Variants in ANKRD45 observed in about 807,000 individuals in gnomAD.
ANKRD45 encodes the protein ankyrin repeat domain-containing protein 45.
Under a neutral mutation model 28.1 loss-of-function variants are expected in ANKRD45, and 21 were observed. The observed-to-expected ratio is 0.75, with a 90% CI of 0.53 to 1.08. ANKRD45 has a LOEUF of 1.08. Ranked by LOEUF, ANKRD45 falls within the 50% of genes least tolerant of loss-of-function variation. ANKRD45 has a pLI of 0.00. For synonymous variants in ANKRD45, 86 were observed against 103.9 expected, an observed-to-expected ratio of 0.83 and a Z score of 1.05; for missense variants, 261 against 308.7, an observed-to-expected ratio of 0.85 and a Z score of 1.16.
At chr1:173,711,773 A>G in the ANKRD45 span, among the ~76,000 whole-genome samples, 1 of 152,224 alleles carries the variant, frequency 6.6e-6, no homozygotes, top group Non-Finnish European at 1.5e-5. Flanking sequence ...CCATAAACAC[A>G]TCTCTAAATG....
chr1:173,624,631 A>C (rs2102325002), intron 5 of ANKRD45, among the ~76,000 whole-genome samples, 156 bp downstream of exon 5: 1 of 152,378 alleles, frequency 6.6e-6, no homozygotes, highest in South Asian at 2.1e-4. Flanking sequence ...TATTGCAAAT[A>C]ATGAAACTAG....
At chr1:173,691,395 G>A in the ANKRD45 span, among the ~76,000 whole-genome samples, 15 of 152,166 alleles carry the variant, frequency 9.9e-5, no homozygotes, top group African/African-American at 3.6e-4. Context: ...GTAATCACAG[G>A]CGAGCCCCCA....
chr1:173,624,927 T>A lies in ANKRD45; in HGVS notation c.592-2A>T. 1 of 1,610,650 alleles carries A rather than the reference T, an allele frequency of 6.2e-7. No homozygotes were observed. Among genetic ancestry groups the A allele is most frequent in the South Asian group, 1.1e-5 (1 of 90,566 alleles). ...ACGGCATGCACTGAGGATGGTATTC[T>A]AGGGACAGAAATACAGAGTTTGCTC... On this transcript the variant is annotated splice_acceptor_variant, in intron 4 of 5. Transcript: ENST00000333279. LOFTEE classifies it high-confidence loss of function.
intron 5 of ANKRD45, among the ~76,000 whole-genome samples, chr1:173,616,562 T>C (rs1667474886): frequency 1.3e-5 from 2 of 152,172 alleles, no homozygotes; most frequent in Non-Finnish European, 2.9e-5. Flanking sequence ...TTTTAAGGTG[T>C]GAGAATTATA....
intron 2 of ANKRD45, among the ~76,000 whole-genome samples, chr1:173,650,279 C>T (rs958560627): frequency 2.0e-5 from 3 of 152,124 alleles, no homozygotes; most frequent in African/African-American, 4.8e-5. Context: ...TAATAGACCC[C>T]GGTGTGTGAT....
At chr1:173,671,743 G>T (rs563979589), upstream of ANKRD45, among the ~76,000 whole-genome samples, 1 of 151,694 alleles carries the variant, frequency 6.6e-6, no homozygotes, top group Non-Finnish European at 1.5e-5. Context: ...TTAGCCAGGC[G>T]TGGTGGTATG....
the ANKRD45 span, among the ~76,000 whole-genome samples, chr1:173,703,242 C>T: frequency 1.0e-4 from 15 of 149,196 alleles, no homozygotes; most frequent in South Asian, 6.4e-4. Flanking sequence ...CTTGCTCTGT[C>T]GCCCAGGCTG....
chr1:173,671,114 A>G (rs934625209), upstream of ANKRD45, among the ~76,000 whole-genome samples: 8 of 151,866 alleles, frequency 5.3e-5, no homozygotes, highest in Admixed American at 2.6e-4. Context: ...CTCCTTCCCC[A>G]CTTTAAGTTT....
chr1:173,613,070 A>T (rs1351397667), intron 5 of ANKRD45, among the ~76,000 whole-genome samples: 2 of 148,284 alleles, frequency 1.3e-5, no homozygotes, highest in African/African-American at 5.0e-5. Context: ...GGATGTGAGG[A>T]GCCCCTCTGC....
intron 2 of ANKRD45, chr1:173,658,442 T>C (rs1051564280): frequency 2.0e-5 from 3 of 152,288 alleles, no homozygotes; most frequent in African/African-American, 7.2e-5. Context: ...AAAGACTATA[T>C]GCTATAGATA....
the ANKRD45 span, among the ~76,000 whole-genome samples, chr1:173,705,699 C>A: frequency 6.6e-6 from 1 of 151,786 alleles, no homozygotes; most frequent in South Asian, 2.1e-4. Flanking sequence ...ATAGATTTTG[C>A]TTAAGTGAAT....
At chr1:173,616,026 C>T (rs578258290) in intron 5 of ANKRD45, among the ~76,000 whole-genome samples, 1 of 152,054 alleles carries the variant, frequency 6.6e-6, no homozygotes, top group South Asian at 2.1e-4. Context: ...TGGCATGAAC[C>T]CAGGAGGCGG....
upstream of ANKRD45, among the ~76,000 whole-genome samples, chr1:173,672,560 G>T: frequency 6.6e-6 from 1 of 152,180 alleles, no homozygotes. Context: ...AAATTAAATA[G>T]AACTTTTAAA....
chr1:173,663,300 G>T (rs1158626761), intron 1 of ANKRD45, among the ~76,000 whole-genome samples: 1 of 152,114 alleles, frequency 6.6e-6, no homozygotes, highest in Non-Finnish European at 1.5e-5. Context: ...AATGAGGCTA[G>T]TTGAAGGGCA....
upstream of ANKRD45, among the ~76,000 whole-genome samples, chr1:173,672,899 G>C (rs1182906841): frequency 1.3e-5 from 2 of 152,150 alleles, no homozygotes; most frequent in Non-Finnish European, 2.9e-5. Flanking sequence ...GGGTATTAAT[G>C]ATGGAGGTCC....
chr1:173,657,748 C>T (rs1190994720), intron 2 of ANKRD45: 1 of 145,858 alleles, frequency 6.9e-6, no homozygotes, highest in Non-Finnish European at 1.5e-5. Context: ...TAAGTGTGAG[C>T]CTCTGCACCT....
At chr1:173,632,069 G>C (rs1668221298) in intron 3 of ANKRD45, among the ~76,000 whole-genome samples, 2 of 151,202 alleles carry the variant, frequency 1.3e-5, no homozygotes, top group Non-Finnish European at 1.5e-5. Context: ...TTTTTGAAAA[G>C]ATAAACAAAA....
Position 173,609,104 on chromosome 1 carries a change from CT to C in ANKRD45, c.*1040del, listed in dbSNP as rs1667041162. ...GGTGGCTGAAAGTTATTGCAGTGTT[CT>C]TTTGCTTTAAAAAATTGAAACTGAA... On this transcript the variant is annotated 3_prime_UTR_variant, in exon 6 of 6. Coordinates refer to ENST00000333279, the MANE Select transcript of ANKRD45 (RefSeq NM_198493.3). Among the ~76,000 whole-genome samples, 1 of 151,904 alleles carries C rather than the reference CT, an allele frequency of 6.6e-6. No individual in the cohort carries two copies.
At chr1:173,626,579 C>T (rs1418986285) in intron 4 of ANKRD45, among the ~76,000 whole-genome samples, 3 of 152,164 alleles carry the variant, frequency 2.0e-5, no homozygotes, top group Non-Finnish European at 4.4e-5. Context: ...AACCAGAACA[C>T]TACCAGTACT....
Sources: allele counts gnomAD v4.1 joint callset (sites outside exome capture counted in the v4.1 genomes callset), GRCh38; gene constraint gnomAD v4.1.1; transcripts MANE v1.5; gene names NCBI Gene and HGNC (gene_info 2026-07-23, HGNC 2026-07-21).